The following DLG2 variants were observed in gnomAD, a reference collection of about 807,000 sequenced individuals.
DLG2 encodes the protein disks large homolog 2.
A neutral mutation model predicts 132.5 loss-of-function variants in DLG2; 45 were observed. The observed-to-expected ratio is 0.34, with a 90% CI of 0.27 to 0.44. The LOEUF (loss-of-function observed/expected upper bound fraction) is 0.44, where lower values mean the gene tolerates loss of function less well. DLG2 is among the 20% of genes least tolerant of loss of function. The pLI is 1.00. For synonymous variants in DLG2, 424 were observed against 419.6 expected, an observed-to-expected ratio of 1.01 and a Z score of -0.13; for missense variants, 1,045 against 1,196.9, an observed-to-expected ratio of 0.87 and a Z score of 1.87.
chr11:84,709,560 A>C (rs906833675), intron 6 of DLG2, among the ~76,000 whole-genome samples: 11 of 151,918 alleles, frequency 7.2e-5, no homozygotes, highest in African/African-American at 2.7e-4. Flanking sequence ...AGCTTCCCCA[A>C]AGTCACAGAG....
chr11:84,879,799 A>C (rs948767942), intron 6 of DLG2, among the ~76,000 whole-genome samples: 1 of 152,140 alleles, frequency 6.6e-6, no homozygotes, highest in African/African-American at 2.4e-5. Flanking sequence ...TTTTAAATCT[A>C]TGAGGTTCAA....
At chr11:83,866,913 C>T (rs2154057105) in intron 16 of DLG2, among the ~76,000 whole-genome samples, 1 of 152,286 alleles carries the variant, frequency 6.6e-6, no homozygotes, top group Non-Finnish European at 1.5e-5. Context: ...TTCCCGGCTT[C>T]TTCCTAGTCC....
At chr11:84,566,404 A>G (rs1286453740) in intron 6 of DLG2, among the ~76,000 whole-genome samples, 1 of 152,214 alleles carries the variant, frequency 6.6e-6, no homozygotes, top group Non-Finnish European at 1.5e-5. Context: ...GTATCTACAT[A>G]AATCAGGGTA....
intron 8 of DLG2, among the ~76,000 whole-genome samples, chr11:84,204,588 C>G (rs116060142): frequency 6.6e-6 from 1 of 151,886 alleles, no homozygotes; most frequent in Non-Finnish European, 1.5e-5. Context: ...TTAAATGAAA[C>G]ATTATAATTA....
At chr11:84,744,592 A>G (rs1285557519) in intron 6 of DLG2, among the ~76,000 whole-genome samples, 2 of 152,206 alleles carry the variant, frequency 1.3e-5, no homozygotes, top group African/African-American at 2.4e-5. Flanking sequence ...ACCTTAATCT[A>G]TTTTAAAATT....
intron 6 of DLG2, among the ~76,000 whole-genome samples, chr11:84,861,278 G>C (rs1411820137): frequency 2.6e-5 from 4 of 152,052 alleles, no homozygotes; most frequent in Admixed American, 1.3e-4. Context: ...ATCTTGGTTT[G>C]TTCACGGGCC....
At chr11:84,558,954 T>C (rs1040123602) in intron 6 of DLG2, among the ~76,000 whole-genome samples, 11 of 152,272 alleles carry the variant, frequency 7.2e-5, no homozygotes, top group African/African-American at 2.6e-4. Flanking sequence ...ATACCATCAT[T>C]AGAGCTGTCA....
chr11:83,895,874 C>T (rs1314347142), intron 15 of DLG2, among the ~76,000 whole-genome samples: 3 of 152,232 alleles, frequency 2.0e-5, no homozygotes, highest in African/African-American at 4.8e-5. Flanking sequence ...GCAACCATAA[C>T]ACATTAACCA....
At position 84,900,167 on chromosome 11, in the gene DLG2, T is replaced by C. The variant is rs1250290710; in HGVS notation, c.357+211494A>G. On this transcript the variant is annotated intron_variant, in intron 6 of 27. Transcript: ENST00000376104. ...TTGAATATTTTGTCAGAGGCAATACTGAATACATTACTGAAACTTTTCTTT... is the reference window on the plus strand; with the variant it reads ...TTGAATATTTTGTCAGAGGCAATACCGAATACATTACTGAAACTTTTCTTT... 3.3e-5 allele frequency among the ~76,000 whole-genome samples: 5 copies of C among 152,236 alleles called. No homozygotes were observed. In the South Asian group the frequency reaches 8.3e-4, roughly 25 times the overall value.
At chr11:85,559,371 G>A (rs1454522943) in intron 3 of DLG2, among the ~76,000 whole-genome samples, 3 of 150,814 alleles carry the variant, frequency 2.0e-5, no homozygotes, top group Non-Finnish European at 3.0e-5. Flanking sequence ...GGATGGTCTC[G>A]ATCTCTTGAC....
chr11:85,240,700 T>C (rs188466945), intron 4 of DLG2, among the ~76,000 whole-genome samples: 24 of 151,938 alleles, frequency 1.6e-4, no homozygotes, highest in African/African-American at 4.8e-4. Flanking sequence ...CTTTTATATA[T>C]CAACATTTCA....
At chr11:85,513,800 T>C (rs1054640336) in intron 3 of DLG2, among the ~76,000 whole-genome samples, 4 of 151,990 alleles carry the variant, frequency 2.6e-5, no homozygotes, top group African/African-American at 9.7e-5. Flanking sequence ...ATATGTCTTA[T>C]ATTTAACCTA....
chr11:85,191,849 T>C (rs2080600370), intron 4 of DLG2, among the ~76,000 whole-genome samples: 2 of 152,202 alleles, frequency 1.3e-5, no homozygotes, highest in African/African-American at 4.8e-5. Context: ...ATTATCTCAA[T>C]TGACCCTTAC....
chr11:85,570,559 C>A (rs1337543684), intron 3 of DLG2, among the ~76,000 whole-genome samples: 1 of 152,074 alleles, frequency 6.6e-6, no homozygotes, highest in Non-Finnish European at 1.5e-5. Flanking sequence ...TTGTGTGGAT[C>A]TCTTTGAGTT....
rs55684820 is a variant in DLG2, at chr11:85,539,889, C to G, written c.40+58768G>C. ...AAATAGAGCCAGGAGGCCATTTCAG[C>G]TGGGGCTTCAGGCACACCTTAAGCA... On this transcript the variant is annotated intron_variant, in intron 3 of 27. Coordinates refer to ENST00000376104, the MANE Select transcript of DLG2 (RefSeq NM_001142699.3). 5.5e-3 allele frequency among the ~76,000 whole-genome samples: 845 copies of G among 152,276 alleles called. 10 individuals are homozygous for G. Among genetic ancestry groups the G allele is most frequent in the African/African-American group, 0.018 (746 of 41,536 alleles).
At chr11:85,143,728 T>C (rs1317687327) in intron 5 of DLG2, among the ~76,000 whole-genome samples, 1 of 151,882 alleles carries the variant, frequency 6.6e-6, no homozygotes, top group Non-Finnish European at 1.5e-5. Context: ...CATGTGTTTG[T>C]ATAGTTTCCA....
intron 6 of DLG2, among the ~76,000 whole-genome samples, chr11:84,951,331 T>A (rs2050884653): frequency 6.6e-6 from 1 of 152,146 alleles, no homozygotes; most frequent in Non-Finnish European, 1.5e-5. Flanking sequence ...TACATTGTAT[T>A]AAAAATATGA....
At chr11:85,277,211 G>A (rs2077945728) in intron 4 of DLG2, among the ~76,000 whole-genome samples, 1 of 152,128 alleles carries the variant, frequency 6.6e-6, no homozygotes. Flanking sequence ...AGCCTAGGGA[G>A]GTAGAGCTAC....
chr11:85,378,098 A>C (rs965275579), intron 3 of DLG2, among the ~76,000 whole-genome samples: 1 of 152,082 alleles, frequency 6.6e-6, no homozygotes, highest in Non-Finnish European at 1.5e-5. Flanking sequence ...CAGTAAAAGA[A>C]AGCAGAATCA....
Sources: allele counts gnomAD v4.1 joint callset (sites outside exome capture counted in the v4.1 genomes callset), GRCh38; gene constraint gnomAD v4.1.1; transcripts MANE v1.5; gene names NCBI Gene and HGNC (gene_info 2026-07-23, HGNC 2026-07-21).